The following PVT1 variants were observed in gnomAD, a reference collection of about 807,000 sequenced individuals.
PVT1 encodes the protein CXCR4/PVT1 fusion.
chr8:127,892,630 G>A (rs909706957), intron 3 of PVT1, among the ~76,000 whole-genome samples: 2 of 152,144 alleles, frequency 1.3e-5, no homozygotes, highest in Non-Finnish European at 2.9e-5. Context: ...GAACTGCCTC[G>A]TGTTTTATAC....
intron 4 of PVT1, among the ~76,000 whole-genome samples, chr8:128,036,857 A>G (rs549554141): frequency 6.6e-6 from 1 of 152,248 alleles, no homozygotes; most frequent in Admixed American, 6.5e-5. Flanking sequence ...ACTGTTAGAG[A>G]AACCTGAGGC....
intron 2 of PVT1, among the ~76,000 whole-genome samples, chr8:127,815,373 T>C (rs747578928): frequency 6.6e-6 from 1 of 152,242 alleles, no homozygotes; most frequent in Non-Finnish European, 1.5e-5. Context: ...AACTCTTTGT[T>C]TTGTTGCCTG....
chr8:127,946,008 C>T (rs1473210449), intron 3 of PVT1, among the ~76,000 whole-genome samples: 1 of 152,174 alleles, frequency 6.6e-6, no homozygotes, highest in African/African-American at 2.4e-5. Context: ...GTTAGTGTAA[C>T]ACATGTGAAT....
intron 2 of PVT1, among the ~76,000 whole-genome samples, chr8:127,801,665 C>A (rs189372324): frequency 2.6e-5 from 4 of 152,156 alleles, no homozygotes; most frequent in Non-Finnish European, 4.4e-5. Context: ...GACAAACATG[C>A]ACAGAGCGTT....
intron 3 of PVT1, among the ~76,000 whole-genome samples, chr8:127,959,993 G>A (rs113739535): frequency 1.3e-5 from 2 of 152,214 alleles, no homozygotes; most frequent in African/African-American, 4.8e-5. Context: ...TTCCCCGGAT[G>A]CAGTATGTGA....
At chr8:127,833,626 G>C (rs1057162248) in intron 2 of PVT1, among the ~76,000 whole-genome samples, 3 of 152,032 alleles carry the variant, frequency 2.0e-5, no homozygotes, top group African/African-American at 7.2e-5. Flanking sequence ...GCTAATTTTT[G>C]TATCTTTAGT....
At chr8:127,931,738 C>T (rs956685961) in intron 3 of PVT1, among the ~76,000 whole-genome samples, 1 of 152,252 alleles carries the variant, frequency 6.6e-6, no homozygotes, top group South Asian at 2.1e-4. Flanking sequence ...ATTGATTTCA[C>T]TCAGCGCGAG....
intron 5 of PVT1, among the ~76,000 whole-genome samples, chr8:128,083,271 G>C (rs569297229): frequency 6.6e-6 from 1 of 152,162 alleles, no homozygotes; most frequent in African/African-American, 2.4e-5. Flanking sequence ...TTAGAACATC[G>C]CTTGGCGCAT....
At chr8:127,813,849 C>A (rs1234066423) in intron 2 of PVT1, among the ~76,000 whole-genome samples, 1 of 152,214 alleles carries the variant, frequency 6.6e-6, no homozygotes, top group African/African-American at 2.4e-5. Context: ...ATTGCACGAT[C>A]TCGGCTCACT....
intron 4 of PVT1, among the ~76,000 whole-genome samples, chr8:128,035,147 C>A (rs1813445812): frequency 6.6e-6 from 1 of 152,154 alleles, no homozygotes; most frequent in African/African-American, 2.4e-5. Context: ...AGGAAAAGTG[C>A]CTTCACCAGG....
At chr8:127,883,917 C>T (rs1054297279) in intron 2 of PVT1, among the ~76,000 whole-genome samples, 7 of 152,196 alleles carry the variant, frequency 4.6e-5, no homozygotes, top group African/African-American at 1.4e-4. Flanking sequence ...TGGAAGCTGC[C>T]GATTCCCAGG....
intron 2 of PVT1, among the ~76,000 whole-genome samples, chr8:127,826,197 G>C (rs1814787255): frequency 6.6e-6 from 1 of 151,676 alleles, no homozygotes; most frequent in African/African-American, 2.4e-5. Flanking sequence ...AGTAACCTTG[G>C]GCAAATTGCT....
chr8:127,947,008 TGTTGTTTTCATAATACCTGTGTACAA>T (rs1271698156), intron 3 of PVT1: 1 of 152,118 alleles, frequency 6.6e-6, no homozygotes, highest in Non-Finnish European at 1.5e-5. Context: ...AATGCAGACT[TGTTGTTTTCATAATACCTGTGTACAA>T]GTTAAACCCG....
rs189589781 is a variant in PVT1 at position 127,852,692 on chromosome 8, A to C, written n.373-37897A>C. Among the ~76,000 whole-genome samples, 45 of 152,324 alleles carry C rather than the reference A, an allele frequency of 3.0e-4. No homozygotes were observed. The East Asian group carries it at 7.3e-3, about 25-fold the overall frequency. ...AGCCCTTGGCACACACTAAGAGCTCAATAAATGTGAGCTGATGTTATTGGT... is the reference window on the plus strand; with the variant it reads ...AGCCCTTGGCACACACTAAGAGCTCCATAAATGTGAGCTGATGTTATTGGT... On this transcript the variant is annotated intron_variant and non_coding_transcript_variant, in intron 2 of 10. Transcript: ENST00000651587.
chr8:127,822,469 C>T (rs938363122), intron 2 of PVT1, among the ~76,000 whole-genome samples: 4 of 152,020 alleles, frequency 2.6e-5, no homozygotes, highest in Admixed American at 1.3e-4. Context: ...CCCAGCTACT[C>T]GGGAGACTGA....
Position 127,912,860 on chromosome 8 carries a change from C to T in PVT1, n.782+21862C>T, listed in dbSNP as rs564178464. Among the ~76,000 whole-genome samples the T allele has an allele frequency of 4.6e-5, 7 of 152,310 alleles. No individual in the cohort carries two copies. In the South Asian group the frequency reaches 8.3e-4, roughly 18 times the overall value. The stretch of plus-strand genomic sequence containing the variant: ...TACAGACACCTGCCACCAGGCCAGA[C>T]GAATTTTTTGGATTTTTAGTAGAAA... On this transcript the variant is annotated intron_variant and non_coding_transcript_variant, in intron 3 of 10. Transcript: ENST00000651587.
At position 127,829,460 on chromosome 8, in the gene PVT1, C is replaced by G. The variant is rs138107312; in HGVS notation, n.372+33389C>G. ...CTCCTTGGCTTCCCAGAAATCCTTT[C>G]CAACCCAAGAGCGTCAGAGGTACTT... is the stretch of plus-strand genomic sequence containing the variant. On this transcript the variant is annotated intron_variant and non_coding_transcript_variant, in intron 2 of 10. Coordinates refer to ENST00000651587, the Ensembl canonical transcript of PVT1. Among the ~76,000 whole-genome samples the G allele has an allele frequency of 4.1e-4, 63 of 152,320 alleles. 1 individual carries two copies. In the East Asian group the frequency reaches 0.011, roughly 27 times the overall value.
intron 4 of PVT1, among the ~76,000 whole-genome samples, chr8:128,023,745 C>T (rs772236523): frequency 4.5e-4 from 69 of 152,122 alleles, no homozygotes; most frequent in Admixed American, 7.9e-4. Flanking sequence ...GAGAGAGAGA[C>T]GTGAAGTAGC....
rs143993861 is a variant in PVT1, at chr8:128,007,427, TA to T, written n.912+18148del. Among the ~76,000 whole-genome samples the T allele has an allele frequency of 5.5e-3, 797 of 143,748 alleles. 3 individuals carry two copies. Among genetic ancestry groups the T allele is most frequent in the Non-Finnish European group, 7.0e-3 (455 of 65,310 alleles). The allele number at this position is 143,748 out of a possible 152,430, so 94.3% of individuals were successfully genotyped here. On this transcript the variant is annotated intron_variant and non_coding_transcript_variant, in intron 4 of 10. Coordinates refer to ENST00000651587, the Ensembl canonical transcript of PVT1. ...TCTGAAATTATTTTAAAATAAAAAC[TA>T]AAAAAAAAAAACCTAAATACAAACC...
Sources: allele counts gnomAD v4.1 joint callset (sites outside exome capture counted in the v4.1 genomes callset), GRCh38; gene constraint gnomAD v4.1.1; transcripts MANE v1.5; gene names NCBI Gene and HGNC (gene_info 2026-07-23, HGNC 2026-07-21).